Variants in ZBTB44 observed in about 807,000 individuals in gnomAD.
The protein encoded by ZBTB44 is zinc finger and BTB domain containing 44, also known as zinc finger and BTB domain-containing protein 44.
ZBTB44 carries 15 observed loss-of-function variants against 54.0 expected under a neutral mutation model. That is an observed-to-expected ratio of 0.28 (90% CI 0.19 to 0.43). The LOEUF is 0.43. Ranked by LOEUF, ZBTB44 falls within the 20% of genes least tolerant of loss-of-function variation. The pLI, the probability that ZBTB44 is intolerant of heterozygous loss-of-function variation, is 1.00. For synonymous variants in ZBTB44, 230 were observed against 250.1 expected (o/e 0.92, Z 0.76); for missense variants, 487 against 707.1 (o/e 0.69, Z 3.53).
intron 1 of ZBTB44, among the ~76,000 whole-genome samples, chr11:130,290,839 C>G (rs1360973999): frequency 1.3e-5 from 2 of 152,154 alleles, no homozygotes; most frequent in African/African-American, 4.8e-5. Flanking sequence ...AATGACTTGG[C>G]TAAGCTTACA....
rs972009702 is a variant in ZBTB44, at chr11:130,227,951, AAAAAG to A, written c.*3808_*3812del. ...AATGGAAATACAGGAATTTTAAAGT[AAAAAG>A]AAAAGGTCTGTTCTAAAAGTTCTTT... On this transcript the variant is annotated 3_prime_UTR_variant, in exon 8 of 8. Transcript: ENST00000357899. 4 of 152,184 alleles carry A rather than the reference AAAAAG, an allele frequency of 2.6e-5. No individual in the cohort carries two copies. The highest frequency in any genetic ancestry group is 9.7e-5 in the African/African-American group (4 of 41,450). The allele number at this position is 152,184 out of a possible 1,614,324, so 9.4% of individuals were successfully genotyped here.
chr11:130,234,278 A>C lies in ZBTB44; in HGVS notation c.1569-5T>G. ...TAGTCCGGTACTAGGAAATCACTAG[A>C]TAAGAGGCAAAGGATGAAATATGGA... On this transcript the variant is annotated splice_region_variant and splice_polypyrimidine_tract_variant and intron_variant, in intron 5 of 7. Transcript: ENST00000357899. 1 of 1,531,384 alleles carries C rather than the reference A, an allele frequency of 6.5e-7. No homozygotes were observed. Among genetic ancestry groups the C allele is most frequent in the Non-Finnish European group, 8.8e-7 (1 of 1,137,724 alleles). 94.9% of individuals were successfully genotyped at this position (1,531,384 alleles called of 1,614,324 possible).
At chr11:130,297,176 G>C (rs1941701200) in intron 1 of ZBTB44, among the ~76,000 whole-genome samples, 1 of 152,064 alleles carries the variant, frequency 6.6e-6, no homozygotes, top group African/African-American at 2.4e-5. Context: ...AAATTGACTT[G>C]GGTTGCAAGC....
rs539995476 is a variant in ZBTB44 at position 130,296,622 on chromosome 11, C to A, written c.-57+17753G>T. On this transcript the variant is annotated intron_variant, in intron 1 of 7. Transcript: ENST00000357899. ...AGAGGCCTAAATGGGAGAAGACATG[C>A]CTTGCCCATTTTGGGCCCAGAATAA... is the stretch of plus-strand genomic sequence containing the variant. The A allele has an allele frequency of 6.0e-5, 53 of 890,556 alleles. 1 individual carries two copies. Among genetic ancestry groups the A allele is most frequent in the South Asian group, 2.0e-4 (15 of 76,416 alleles). The allele number at this position is 890,556 out of a possible 1,614,324, so 55.2% of individuals were successfully genotyped here.
At chr11:130,311,321 GC>G (rs1254714925) in intron 1 of ZBTB44, among the ~76,000 whole-genome samples, 1 of 152,030 alleles carries the variant, frequency 6.6e-6, no homozygotes, top group Non-Finnish European at 1.5e-5. Flanking sequence ...TGATCCACCT[GC>G]TTCAGCCTCC....
chr11:130,235,483 C>T (rs1007112913), intron 5 of ZBTB44, among the ~76,000 whole-genome samples: 2 of 152,056 alleles, frequency 1.3e-5, no homozygotes, highest in Non-Finnish European at 2.9e-5. Context: ...AAAATCTACG[C>T]AGGAATAATT....
At chr11:130,233,716 A>C (rs1953983169) in intron 6 of ZBTB44, 1 of 1,183,962 alleles carries the variant, frequency 8.4e-7, no homozygotes, top group Non-Finnish European at 1.0e-6. Flanking sequence ...TAACAATGGA[A>C]GAAGGAACTG....
At chr11:130,288,330 T>C (rs1346962624) in intron 1 of ZBTB44, among the ~76,000 whole-genome samples, 3 of 151,212 alleles carry the variant, frequency 2.0e-5, no homozygotes, top group African/African-American at 7.3e-5. Context: ...GCCGAGATCA[T>C]GCCACTGTTC....
intron 6 of ZBTB44, chr11:130,233,584 T>G: frequency 7.2e-7 from 1 of 1,384,414 alleles, no homozygotes; most frequent in Non-Finnish European, 9.3e-7. Context: ...CAGCAGTAAG[T>G]ATCTACTCAG....
At chr11:130,286,068 C>T (rs1159900335) in intron 1 of ZBTB44, among the ~76,000 whole-genome samples, 1 of 152,196 alleles carries the variant, frequency 6.6e-6, no homozygotes, top group African/African-American at 2.4e-5. Context: ...ACAAACTACA[C>T]AACTAAAAAG....
chr11:130,244,355 G>C (rs1004501601), intron 2 of ZBTB44, among the ~76,000 whole-genome samples: 1 of 152,096 alleles, frequency 6.6e-6, no homozygotes, highest in South Asian at 2.1e-4. Context: ...ACAAGCTTTT[G>C]GTTATAATAT....
intron 1 of ZBTB44, among the ~76,000 whole-genome samples, chr11:130,286,064 T>C (rs995792751): frequency 1.3e-5 from 2 of 152,246 alleles, no homozygotes; most frequent in African/African-American, 4.8e-5. Context: ...AGTGACAAAC[T>C]ACACAACTAA....
chr11:130,233,747 A>T, intron 6 of ZBTB44: 1 of 1,152,468 alleles, frequency 8.7e-7, no homozygotes, highest in Non-Finnish European at 1.1e-6. Context: ...TAAGTCAACC[A>T]GTTCTCCTTA....
At chr11:130,238,793 G>GA (rs1954226269) in intron 3 of ZBTB44, 186 bp from the exon 4 acceptor site, 2 of 498,178 alleles carry the variant, frequency 4.0e-6, no homozygotes, top group South Asian at 7.6e-5. Flanking sequence ...AATGCCTTTT[G>GA]TTTTTTTTTT....
intron 5 of ZBTB44, chr11:130,236,351 G>C: frequency 1.3e-6 from 1 of 752,232 alleles, no homozygotes; most frequent in Non-Finnish European, 1.8e-6. Context: ...TTTCTTACTG[G>C]CCAATGGCTA....
intron 1 of ZBTB44, among the ~76,000 whole-genome samples, chr11:130,306,222 G>T (rs962945085): frequency 6.6e-6 from 1 of 152,122 alleles, no homozygotes; most frequent in African/African-American, 2.4e-5. Context: ...CTAAAAGTAG[G>T]CTGGGCACGA....
intron 2 of ZBTB44, among the ~76,000 whole-genome samples, chr11:130,251,587 G>A (rs1938008709): frequency 6.6e-6 from 1 of 152,048 alleles, no homozygotes; most frequent in Non-Finnish European, 1.5e-5. Context: ...CAGACTAACA[G>A]CGGATCTCTC....
At chr11:130,234,427 A>G (rs939466500) in intron 5 of ZBTB44, among the ~76,000 whole-genome samples, 154 bp from the exon 6 acceptor site, 1 of 152,336 alleles carries the variant, frequency 6.6e-6, no homozygotes, top group Middle Eastern at 3.4e-3. Flanking sequence ...TTCAACTTAT[A>G]AACTTTCCTA....
intron 1 of ZBTB44, among the ~76,000 whole-genome samples, chr11:130,284,808 G>A (rs753868466): frequency 6.6e-6 from 1 of 152,044 alleles, no homozygotes; most frequent in Non-Finnish European, 1.5e-5. Flanking sequence ...AGAGGTTGCA[G>A]TGAGCTGAGA....
Sources: gnomAD v4.1 joint callset for allele counts (sites outside exome capture counted in the v4.1 genomes callset) on GRCh38, gnomAD v4.1.1 for gene constraint, MANE v1.5 for transcripts, NCBI Gene and HGNC (gene_info 2026-07-23, HGNC 2026-07-21) for gene names.